Variants in EEA1 observed in about 807,000 individuals in gnomAD.
EEA1 encodes the protein early endosome antigen 1, 162kD.
In EEA1, 111 loss-of-function variants were observed where a neutral mutation model predicts 209.2. The ratio of observed to expected loss-of-function variants is 0.53; its 90% CI spans 0.45 to 0.62. The LOEUF (loss-of-function observed/expected upper bound fraction) is 0.62, where lower values mean the gene tolerates loss of function less well. Among genes scored for constraint, EEA1 ranks in the 20% least tolerant of loss-of-function variants. The probability of loss-of-function intolerance (pLI) is 0.00; values close to 1 mark genes in which losing one functional copy is unlikely to be tolerated. For synonymous variants in EEA1, 536 were observed against 540.6 expected (o/e 0.99, Z 0.12); for missense variants, 1,343 against 1,530.8 (o/e 0.88, Z 2.05).
At chr12:92,915,455 G>C (rs556877850) in intron 1 of EEA1, among the ~76,000 whole-genome samples, 1 of 152,136 alleles carries the variant, frequency 6.6e-6, no homozygotes, top group South Asian at 2.1e-4. Flanking sequence ...GGACAACAGG[G>C]CAAGAACCTG....
At position 92,891,639 on chromosome 12, in the gene EEA1, C is replaced by T; in HGVS notation, c.107G>A (p.Ser36Asn). Residue 36 changes from serine to asparagine, a missense_variant, in exon 2 of 29, where the codon AGC becomes AAC. Coordinates refer to ENST00000322349, the MANE Select transcript of EEA1 (RefSeq NM_003566.4). ...TTATTATTTTCATACCTCTGAAGAG[C>T]TTTCATTATTGACGTCCACTGTGTT... ...PINTVDVNNE[S>N]SSEGFICPQC... The T allele has an allele frequency of 1.9e-6, 3 of 1,600,242 alleles. No homozygotes were observed. The highest frequency in any genetic ancestry group is 2.6e-6 in the Non-Finnish European group (3 of 1,174,624).
rs931438093 is a variant in EEA1, at chr12:92,771,125, A to T, written c.*4886T>A. ...AATAATTATTATCATGGCAGGATAT[A>T]TACTATTAACTACATTCAAGGAACT... is the stretch of plus-strand genomic sequence containing the variant. On this transcript the variant is annotated 3_prime_UTR_variant, in exon 29 of 29. Transcript: ENST00000322349. The T allele has an allele frequency of 2.6e-5, 4 of 152,090 alleles. No homozygotes were observed. Among genetic ancestry groups the T allele is most frequent in the Non-Finnish European group, 5.9e-5 (4 of 67,976 alleles). The allele number at this position is 152,090 out of a possible 1,614,324, so 9.4% of individuals were successfully genotyped here. A position where few individuals can be genotyped will look rare whatever the true frequency, so the allele number is the denominator to read the frequency against.
chr12:92,795,681 G>A (rs998371455), intron 21 of EEA1, among the ~76,000 whole-genome samples: 1 of 152,176 alleles, frequency 6.6e-6, no homozygotes, highest in East Asian at 1.9e-4. Context: ...GGGGAGCAGA[G>A]AGCTGATCTC....
Position 92,811,272 on chromosome 12 carries a change from T to C in EEA1, c.2199+7A>G. 6.6e-7 allele frequency: 1 copy of C among 1,518,778 alleles called. No homozygotes were observed. Among genetic ancestry groups the C allele is most frequent in the Non-Finnish European group, 8.8e-7 (1 of 1,134,716 alleles). 94.1% of individuals were successfully genotyped at this position (1,518,778 alleles called of 1,614,324 possible). A position where few individuals can be genotyped will look rare whatever the true frequency, so the allele number is the denominator to read the frequency against. On this transcript the variant is annotated splice_region_variant and intron_variant, in intron 17 of 28. Transcript: ENST00000322349. Reference sequence around the variant, plus strand: ...ATATGACTAAATTCAACTTCTTTTATACAAACCTTAATTTGACCTTCTAGC... The same window carrying C: ...ATATGACTAAATTCAACTTCTTTTACACAAACCTTAATTTGACCTTCTAGC...
chr12:92,843,983 TG>T (rs1565832027), intron 9 of EEA1, among the ~76,000 whole-genome samples: 1 of 152,144 alleles, frequency 6.6e-6, no homozygotes. Context: ...GGATTCTCAG[TG>T]GTGGTGTATC....
At position 92,826,925 on chromosome 12, in the gene EEA1, T is replaced by G. The variant is rs1206759117; in HGVS notation, c.1405-640A>C. On this transcript the variant is annotated intron_variant, in intron 12 of 28. Transcript: ENST00000322349. ...TTTTAACAATAATTTAAACCACATATCAGTATTTCTTTTATTTTTTTCCTT... is the reference window on the plus strand; with the variant it reads ...TTTTAACAATAATTTAAACCACATAGCAGTATTTCTTTTATTTTTTTCCTT... Among the ~76,000 whole-genome samples the G allele has an allele frequency of 2.6e-5, 4 of 152,248 alleles. No homozygotes were observed. In the East Asian group the frequency reaches 5.8e-4, roughly 22 times the overall value.
intron 3 of EEA1, chr12:92,858,935 G>A (rs767739238): frequency 9.9e-6 from 7 of 704,300 alleles, no homozygotes; most frequent in Middle Eastern, 5.0e-4. Flanking sequence ...AGGTGCCTTT[G>A]AGGAAAGGAT....
chr12:92,853,022 A>G lies in EEA1; in HGVS notation c.410T>C (p.Leu137Pro), dbSNP rs764504908. The G allele has an allele frequency of 1.3e-6, 2 of 1,586,426 alleles. No individual in the cohort carries two copies. The highest frequency in any genetic ancestry group is 2.3e-5 in the South Asian group (2 of 87,198). ...DGLVTDSSAELQSLEQQLEEA... is the reference protein window; with the variant it reads ...DGLVTDSSAEPQSLEQQLEEA... ...TTCTAATTGCTGTTCCAAAGACTGT[A>G]GTTCTACAAAAAAGTGTCGCAGTTA... is the stretch of plus-strand genomic sequence containing the variant. Residue 137 changes from leucine (L) to proline (P), a missense_variant, in exon 7 of 29, where the codon CTA becomes CCA. Around this residue, in one of 3 missense-constraint regions of EEA1, gnomAD observed 1,307 missense variants for 1,465.5 expected, o/e 0.89. Coordinates refer to ENST00000322349, the MANE Select transcript of EEA1 (RefSeq NM_003566.4).
At chr12:92,852,594 C>A (rs551306975) in intron 7 of EEA1, among the ~76,000 whole-genome samples, 2 of 152,170 alleles carry the variant, frequency 1.3e-5, no homozygotes, top group South Asian at 2.1e-4. Flanking sequence ...CCAAGTGTTA[C>A]ATTTATACTA....
Position 92,895,962 on chromosome 12 carries a change from G to A in EEA1, c.25-4241C>T, listed in dbSNP as rs548844014. On this transcript the variant is annotated intron_variant, in intron 1 of 28. Transcript: ENST00000322349. ...AATTAAAAGTGGAGCCTGAAGATGC[G>A]ACTGATAATTTTCTTTTTTTTTTTT... Among the ~76,000 whole-genome samples, 54 of 151,884 alleles carry A rather than the reference G, an allele frequency of 3.6e-4. No homozygotes were observed. The South Asian group carries it at 8.5e-3, about 24-fold the overall frequency.
At chr12:92,807,898 T>C (rs924753822) in intron 18 of EEA1, among the ~76,000 whole-genome samples, 1 of 152,136 alleles carries the variant, frequency 6.6e-6, no homozygotes, top group East Asian at 1.9e-4. Flanking sequence ...ACAGTTTTAT[T>C]TGTAGACATG....
At chr12:92,823,201 G>A (rs1196803902) in intron 13 of EEA1, among the ~76,000 whole-genome samples, 1 of 152,106 alleles carries the variant, frequency 6.6e-6, no homozygotes, top group African/African-American at 2.4e-5. Flanking sequence ...TATTTAAAAA[G>A]CAAATCTGAC....
At chr12:92,909,452 A>G (rs1880499817) in intron 1 of EEA1, among the ~76,000 whole-genome samples, 1 of 152,212 alleles carries the variant, frequency 6.6e-6, no homozygotes, top group African/African-American at 2.4e-5. Flanking sequence ...AACATGCTAA[A>G]CATATGTAAA....
At chr12:92,901,249 T>C (rs1565857427) in intron 1 of EEA1, among the ~76,000 whole-genome samples, 1 of 152,018 alleles carries the variant, frequency 6.6e-6, no homozygotes, top group Non-Finnish European at 1.5e-5. Flanking sequence ...ATGAGGTCTC[T>C]GTATGTTGCC....
intron 2 of EEA1, among the ~76,000 whole-genome samples, chr12:92,891,317 A>G (rs1403875316): frequency 1.3e-5 from 2 of 152,180 alleles, no homozygotes; most frequent in African/African-American, 4.8e-5. Flanking sequence ...AGTTCATGAC[A>G]GTACACACAC....
chr12:92,853,767 C>CT (rs1223580193), intron 6 of EEA1, 148 bp downstream of exon 6: 3 of 547,646 alleles, frequency 5.5e-6, no homozygotes, highest in African/African-American at 3.9e-5. Context: ...CTCTCTACAC[C>CT]TAGAATATGA....
chr12:92,861,409 T>G (rs1199880819), intron 3 of EEA1, among the ~76,000 whole-genome samples: 1 of 152,222 alleles, frequency 6.6e-6, no homozygotes, highest in African/African-American at 2.4e-5. Flanking sequence ...GAGCCGAGAT[T>G]GTGCCATTGC....
chr12:92,858,781 G>T lies in EEA1; in HGVS notation c.246-1296C>A, dbSNP rs1327456760. On this transcript the variant is annotated intron_variant, in intron 3 of 28. Transcript: ENST00000322349. ...GAAAGTCATCAAAGCCATTGTGCCT[G>T]CAAAATACCTTGATGAGGATACAAT... 10 of 780,560 alleles carry T rather than the reference G, an allele frequency of 1.3e-5. No homozygotes were observed. The East Asian group carries it at 2.6e-4, about 20-fold the overall frequency. 48.4% of individuals were successfully genotyped at this position (780,560 alleles called of 1,614,324 possible). A position where few individuals can be genotyped will look rare whatever the true frequency, so the allele number is the denominator to read the frequency against.
In EEA1 at chr12:92,848,269, T is replaced by C. The variant is rs1436129832; in HGVS notation, c.798+2842A>G. Among the ~76,000 whole-genome samples, 3 of 151,832 alleles carry C rather than the reference T, an allele frequency of 2.0e-5. No individual in the cohort carries two copies. The East Asian group carries it at 5.8e-4, about 29-fold the overall frequency. On this transcript the variant is annotated intron_variant, in intron 9 of 28. Transcript: ENST00000322349. ...AATCACCATTTCTTACAAAGCCCTG[T>C]TTGCAGGAGGAGACGATGGAGGGAG... is the stretch of plus-strand genomic sequence containing the variant.
Sources: gnomAD v4.1 joint callset for allele counts (sites outside exome capture counted in the v4.1 genomes callset) on GRCh38, gnomAD v4.1.1 for gene constraint, gnomAD v4.1.1 regional missense constraint, MANE v1.5 for transcripts, NCBI Gene and HGNC (gene_info 2026-07-23, HGNC 2026-07-21) for gene names.